Variants in TAFA2 observed in about 807,000 individuals in gnomAD.
The protein encoded by TAFA2 is chemokine-like protein TAFA-2.
TAFA2 carries 7 observed loss-of-function variants against 18.8 expected under a neutral mutation model. That is an observed-to-expected ratio of 0.37 (90% confidence interval 0.21 to 0.70). TAFA2 has a LOEUF of 0.70. Ranked by LOEUF, TAFA2 falls within the 30% of genes least tolerant of loss-of-function variation. The pLI, the probability that TAFA2 is intolerant of heterozygous loss-of-function variation, is 0.53. For missense variants in TAFA2, 122 were observed against 158.1 expected, an observed-to-expected ratio of 0.77 and a Z score of 1.23; for synonymous variants, 60 against 54.2, an observed-to-expected ratio of 1.11 and a Z score of -0.47.
At chr12:61,811,310 A>G (rs1052063943) in intron 2 of TAFA2, among the ~76,000 whole-genome samples, 1 of 151,442 alleles carries the variant, frequency 6.6e-6, no homozygotes, top group Non-Finnish European at 1.5e-5. Context: ...AGAGATATTA[A>G]GTTGCCCAAG....
At chr12:62,243,133 G>C (rs2062870416) in intron 1 of TAFA2, among the ~76,000 whole-genome samples, 2 of 152,142 alleles carry the variant, frequency 1.3e-5, no homozygotes, top group African/African-American at 4.8e-5. Context: ...GAAAATACCT[G>C]TAGTTATAAA....
At chr12:62,158,099 A>C (rs2062384126) in intron 1 of TAFA2, among the ~76,000 whole-genome samples, 1 of 152,216 alleles carries the variant, frequency 6.6e-6, no homozygotes, top group Admixed American at 6.5e-5. Context: ...AAGTCAATAC[A>C]TTCATGGTTT....
chr12:62,136,470 C>T (rs969717862), intron 1 of TAFA2, among the ~76,000 whole-genome samples: 34 of 152,054 alleles, frequency 2.2e-4, no homozygotes, highest in African/African-American at 8.2e-4. Flanking sequence ...ATACAAATAA[C>T]AGAGGACAAA....
intron 3 of TAFA2, 113 bp from the exon 4 acceptor site, chr12:61,753,859 G>T: frequency 1.4e-6 from 1 of 734,404 alleles, no homozygotes; most frequent in Non-Finnish European, 2.1e-6. Context: ...GGGAATACAG[G>T]TATTTGAGGT....
chr12:61,987,052 C>T (rs966146963), intron 1 of TAFA2, among the ~76,000 whole-genome samples: 18 of 152,188 alleles, frequency 1.2e-4, no homozygotes, highest in Non-Finnish European at 1.6e-4. Context: ...GTAGTTGATT[C>T]GCTCCTCCAA....
chr12:61,846,814 G>T (rs906831277), intron 2 of TAFA2, among the ~76,000 whole-genome samples: 1 of 152,076 alleles, frequency 6.6e-6, no homozygotes, highest in Admixed American at 6.5e-5. Flanking sequence ...AATACAAAGC[G>T]ATTTCAATAA....
At chr12:62,203,086 C>T (rs563746439) in intron 1 of TAFA2, among the ~76,000 whole-genome samples, 113 of 152,256 alleles carry the variant, frequency 7.4e-4, no homozygotes, top group Admixed American at 1.4e-3. Context: ...CTCAGCCTCC[C>T]AAAGTGCTGA....
At chr12:61,923,812 A>G (rs1877161550) in intron 1 of TAFA2, among the ~76,000 whole-genome samples, 2 of 152,052 alleles carry the variant, frequency 1.3e-5, no homozygotes, top group Non-Finnish European at 2.9e-5. Flanking sequence ...AGCATGTTCT[A>G]ACCCAATGCA....
At chr12:62,219,630 A>C (rs2062752234) in intron 1 of TAFA2, among the ~76,000 whole-genome samples, 2 of 152,186 alleles carry the variant, frequency 1.3e-5, no homozygotes. Flanking sequence ...TAAAGTTGTA[A>C]GCACTATTTG....
intron 1 of TAFA2, chr12:62,139,879 A>G (rs2062226295): frequency 6.6e-6 from 1 of 152,204 alleles, no homozygotes; most frequent in Non-Finnish European, 1.5e-5. Flanking sequence ...GACAAAAATC[A>G]CGTCTCCTAA....
chr12:61,763,501 C>T lies in TAFA2; in HGVS notation c.107-8477G>A, dbSNP rs949117440. Among the ~76,000 whole-genome samples the T allele has an allele frequency of 3.3e-5, 5 of 151,708 alleles. 1 individual carries two copies. The highest frequency in any genetic ancestry group is 4.1e-4 in the South Asian group (2 of 4,820). On this transcript the variant is annotated intron_variant, in intron 2 of 4. Transcript: ENST00000416284. The stretch of plus-strand genomic sequence containing the variant: ...TCCCACCCACATTTTAAATGACAGT[C>T]GATGTTAAGAAAGGTGTATCTAAAG...
At chr12:61,764,230 TGATAGATAGATA>T (rs140276194) in intron 2 of TAFA2, among the ~76,000 whole-genome samples, 7 of 150,026 alleles carry the variant, frequency 4.7e-5, no homozygotes, top group African/African-American at 1.2e-4. Flanking sequence ...GATGATTGAT[TGATAGATAGATA>T]GATAGATAGA....
chr12:62,185,938 T>G (rs1298820807), intron 1 of TAFA2, among the ~76,000 whole-genome samples: 1 of 152,222 alleles, frequency 6.6e-6, no homozygotes, highest in African/African-American at 2.4e-5. Flanking sequence ...GGCAGAGTTT[T>G]CAGATATAGA....
intron 2 of TAFA2, among the ~76,000 whole-genome samples, chr12:61,863,575 G>C (rs1326724166): frequency 6.6e-6 from 1 of 152,178 alleles, no homozygotes. Flanking sequence ...CTTCAAGTAA[G>C]TCTTCTTGGA....
intron 2 of TAFA2, among the ~76,000 whole-genome samples, chr12:61,816,974 A>G (rs1872113266): frequency 1.3e-5 from 2 of 151,368 alleles, no homozygotes; most frequent in South Asian, 2.1e-4. Context: ...TAAGTAAATA[A>G]TAAGTATTTA....
At chr12:62,005,623 T>C (rs1880520661) in intron 1 of TAFA2, among the ~76,000 whole-genome samples, 1 of 152,126 alleles carries the variant, frequency 6.6e-6, no homozygotes, top group Admixed American at 6.5e-5. Context: ...TAGTTCAAAC[T>C]ATTCATTCTG....
At chr12:62,138,513 GCA>G (rs2062215714) in intron 1 of TAFA2, among the ~76,000 whole-genome samples, 1 of 152,106 alleles carries the variant, frequency 6.6e-6, no homozygotes, top group African/African-American at 2.4e-5. Flanking sequence ...ACAATTCCAG[GCA>G]CACAGTATGT....
chr12:61,986,277 G>C (rs920333571), intron 1 of TAFA2, among the ~76,000 whole-genome samples: 1 of 139,792 alleles, frequency 7.2e-6, no homozygotes, highest in Non-Finnish European at 1.5e-5. Context: ...TGATTCTCCT[G>C]CTTCAGCCTC....
intron 1 of TAFA2, among the ~76,000 whole-genome samples, chr12:62,045,997 G>C (rs1263537345): frequency 2.0e-4 from 31 of 152,062 alleles, no homozygotes; most frequent in Admixed American, 2.0e-3. Flanking sequence ...AAATTCTGAG[G>C]GAAAATAAGA....
Sources: gnomAD v4.1 joint callset for allele counts (sites outside exome capture counted in the v4.1 genomes callset) on GRCh38, gnomAD v4.1.1 for gene constraint, MANE v1.5 for transcripts, NCBI Gene and HGNC (gene_info 2026-07-23, HGNC 2026-07-21) for gene names.